Variants in SPATA1 observed in about 807,000 individuals in gnomAD.
The protein encoded by SPATA1 is spermatogenesis-associated protein 1.
SPATA1 carries 57 observed loss-of-function variants against 59.6 expected under a neutral mutation model. That is an observed-to-expected ratio of 0.96 (90% CI 0.77 to 1.19). The LOEUF (loss-of-function observed/expected upper bound fraction) is 1.19, where lower values mean the gene tolerates loss of function less well. SPATA1 is among the 50% of genes most tolerant of loss of function. The pLI is 0.00. For missense variants in SPATA1, 448 were observed against 480.7 expected (o/e 0.93, Z 0.64); for synonymous variants, 147 against 163.9 (o/e 0.90, Z 0.79).
At chr1:84,566,448 C>G (rs1684702049), downstream of SPATA1, among the ~76,000 whole-genome samples, 1 of 152,114 alleles carries the variant, frequency 6.6e-6, no homozygotes, top group African/African-American at 2.4e-5. Flanking sequence ...GTTGGCACAA[C>G]CTGACTGGGT....
At chr1:84,522,432 T>G in exon 4 of SPATA1, 1 of 1,530,782 alleles carries the variant, frequency 6.5e-7, no homozygotes, top group Non-Finnish European at 8.8e-7. Context: ...GGGAGCGTCT[T>G]GGTGAGTTCC....
At position 84,533,053 on chromosome 1, in the gene SPATA1, T is replaced by A. The variant is rs546866133; in HGVS notation, c.659+79T>A. 3.3e-6 allele frequency: 3 copies of A among 920,694 alleles called. No individual in the cohort carries two copies. The African/African-American group carries it at 5.0e-5, about 15-fold the overall frequency. The allele number at this position is 920,694 out of a possible 1,614,324, so 57.0% of individuals were successfully genotyped here. A position where few individuals can be genotyped will look rare whatever the true frequency, so the allele number is the denominator to read the frequency against. On this transcript the variant is annotated intron_variant, in intron 7 of 12. Coordinates refer to ENST00000490879, the Ensembl canonical transcript of SPATA1. ...GAGTAAGATATTCAGAGTATTGTTA[T>A]AAAGACTTCTACTTAAAGATATGAG...
At chr1:84,536,686 C>T (rs539548813) in intron 8 of SPATA1, among the ~76,000 whole-genome samples, 21 of 152,112 alleles carry the variant, frequency 1.4e-4, no homozygotes, top group South Asian at 6.2e-4. Context: ...CCTCGTGATC[C>T]GCCCGCCTCG....
chr1:84,551,701 A>G (rs527311621), intron 12 of SPATA1: 1 of 152,286 alleles, frequency 6.6e-6, no homozygotes, highest in Non-Finnish European at 1.5e-5. Context: ...ATAGAAAAGG[A>G]AAAGAGCAGA....
chr1:84,543,746 G>A (rs1397530300), intron 8 of SPATA1, among the ~76,000 whole-genome samples: 1 of 152,032 alleles, frequency 6.6e-6, no homozygotes, highest in Non-Finnish European at 1.5e-5. Flanking sequence ...GAAGGCAACA[G>A]AAACACAAAC....
At chr1:84,520,158 C>CT (rs1361380888) in intron 2 of SPATA1, 1 of 154,140 alleles carries the variant, frequency 6.5e-6, no homozygotes, top group African/African-American at 2.4e-5. Context: ...GTGCTGAGGG[C>CT]TAGCAATCAT....
At chr1:84,557,073 C>CA (rs112712184), downstream of SPATA1, among the ~76,000 whole-genome samples, 13,640 of 152,096 alleles carry the variant, frequency 0.09, 1,203 homozygotes, top group African/African-American at 0.23. Context: ...GAACAAAGGG[C>CA]AAAAACTAAG....
At chr1:84,527,672 A>G (rs1197203181) in intron 6 of SPATA1, 1 of 152,116 alleles carries the variant, frequency 6.6e-6, no homozygotes, top group East Asian at 1.9e-4. Context: ...CCTGTGTCAT[A>G]ATTTACTTCC....
At chr1:84,512,813 A>G (rs1190166732) in intron 1 of SPATA1, among the ~76,000 whole-genome samples, 2 of 152,190 alleles carry the variant, frequency 1.3e-5, no homozygotes, top group African/African-American at 4.8e-5. Flanking sequence ...TCACTTTTAG[A>G]TAGTCAGTAC....
intron 1 of SPATA1, among the ~76,000 whole-genome samples, chr1:84,509,661 G>A (rs1454208002): frequency 2.0e-5 from 3 of 152,216 alleles, no homozygotes; most frequent in Non-Finnish European, 4.4e-5. Context: ...AGCTACTTGG[G>A]AAGCTGAGGC....
exon 7 of SPATA1, chr1:84,532,895 G>A: frequency 6.4e-7 from 1 of 1,551,874 alleles, no homozygotes; most frequent in African/African-American, 1.4e-5. Context: ...AAGCCAAATT[G>A]CAAAAAATCA....
At chr1:84,534,150 ATTGT>A (rs1305929318) in intron 8 of SPATA1, among the ~76,000 whole-genome samples, 2 of 152,056 alleles carry the variant, frequency 1.3e-5, no homozygotes, top group African/African-American at 4.8e-5. Context: ...ATAGTAGTAA[ATTGT>A]TTATGTTATA....
intron 1 of SPATA1, chr1:84,507,350 A>C (rs1682311845): frequency 6.6e-6 from 1 of 152,254 alleles, no homozygotes. Flanking sequence ...AAAAATGTAC[A>C]TCGTAAGTTT....
intron 4 of SPATA1, among the ~76,000 whole-genome samples, chr1:84,559,881 T>C (rs1684553745): frequency 6.6e-6 from 1 of 151,684 alleles, no homozygotes; most frequent in Non-Finnish European, 1.5e-5. Context: ...GGTCAGGAGT[T>C]TGAGACCAGA....
intron 11 of SPATA1, chr1:84,549,604 C>G (rs1243259319): frequency 2.0e-5 from 3 of 151,808 alleles, no homozygotes; most frequent in Non-Finnish European, 2.9e-5. Context: ...TTTGAGACAG[C>G]CTTGAATCAG....
chr1:84,540,801 C>T (rs1463748655), intron 8 of SPATA1, among the ~76,000 whole-genome samples: 1 of 152,198 alleles, frequency 6.6e-6, no homozygotes, highest in Non-Finnish European at 1.5e-5. Flanking sequence ...CTAAGGTCTG[C>T]ACCATGCTTA....
At chr1:84,560,423 C>G (rs546435686) in intron 4 of SPATA1, among the ~76,000 whole-genome samples, 1 of 152,318 alleles carries the variant, frequency 6.6e-6, no homozygotes, top group African/African-American at 2.4e-5. Flanking sequence ...AGCTCATGCC[C>G]TTTATTCTGA....
downstream of SPATA1, chr1:84,554,708 A>G (rs1374395737): frequency 3.8e-6 from 1 of 260,798 alleles, no homozygotes; most frequent in Admixed American, 4.8e-5. Flanking sequence ...AATGAAGGGA[A>G]ATATGGCATA....
intron 1 of SPATA1, among the ~76,000 whole-genome samples, chr1:84,514,501 A>G (rs1485082713): frequency 6.6e-6 from 1 of 152,200 alleles, no homozygotes; most frequent in African/African-American, 2.4e-5. Context: ...TCCAATGAGC[A>G]TTTCTTTGGA....
Sources: gnomAD v4.1 joint callset for allele counts (sites outside exome capture counted in the v4.1 genomes callset) on GRCh38, gnomAD v4.1.1 for gene constraint, MANE v1.5 for transcripts, NCBI Gene and HGNC (gene_info 2026-07-23, HGNC 2026-07-21) for gene names.